Variants in AP3B1 observed in about 807,000 individuals in gnomAD.
The protein encoded by AP3B1 is AP-3 complex subunit beta-1.
AP3B1 carries 61 observed loss-of-function variants against 132.5 expected under a neutral mutation model. That is an observed-to-expected ratio of 0.46 (90% CI 0.37 to 0.57). The LOEUF is 0.57. Among genes scored for constraint, AP3B1 ranks in the 20% least tolerant of loss-of-function variants. AP3B1 has a pLI of 0.00. For missense variants in AP3B1, 1,120 were observed against 1,289.4 expected, an observed-to-expected ratio of 0.87 and a Z score of 2.01; for synonymous variants, 388 against 438.3, an observed-to-expected ratio of 0.89 and a Z score of 1.43.
chr5:78,279,847 TTAAA>T (rs1013205549), intron 1 of AP3B1, among the ~76,000 whole-genome samples: 5 of 137,504 alleles, frequency 3.6e-5, no homozygotes, highest in South Asian at 4.5e-4. Context: ...TATATAGGAC[TTAAA>T]TATATATAGG....
chr5:78,148,030 T>TA (rs559890931), intron 14 of AP3B1, among the ~76,000 whole-genome samples: 27,134 of 143,906 alleles, frequency 0.19, 2,699 homozygotes, highest in Admixed American at 0.28. Flanking sequence ...AAGACTCCAT[T>TA]AAAAAAAAAA....
intron 1 of AP3B1, among the ~76,000 whole-genome samples, chr5:78,282,469 A>G (rs746376681): frequency 5.3e-5 from 8 of 152,114 alleles, no homozygotes; most frequent in Non-Finnish European, 1.2e-4. Context: ...CAGAAGAATC[A>G]GGGCTTATTA....
intron 7 of AP3B1, among the ~76,000 whole-genome samples, chr5:78,214,868 TTAA>T (rs1348887970): frequency 6.6e-6 from 1 of 152,174 alleles, no homozygotes; most frequent in East Asian, 1.9e-4. Context: ...GACTTACATA[TTAA>T]TAATTCAAAA....
In AP3B1 at chr5:78,173,370, C is replaced by T. The variant is rs185925342; in HGVS notation, c.1167+2256G>A. Among the ~76,000 whole-genome samples, 163 of 152,184 alleles carry T rather than the reference C, an allele frequency of 1.1e-3. 1 individual carries two copies. The highest frequency in any genetic ancestry group is 3.8e-3 in the African/African-American group (159 of 41,500). ...TTGACAGTGGGGTGTTAAAGTCTCC[C>T]ATTATTTTTGTGTGGGAGTCTAAGT... On this transcript the variant is annotated intron_variant, in intron 11 of 26. Transcript: ENST00000255194.
intron 22 of AP3B1, among the ~76,000 whole-genome samples, chr5:78,074,486 CAAAT>C (rs1211129969): frequency 6.6e-6 from 1 of 152,098 alleles, no homozygotes; most frequent in Non-Finnish European, 1.5e-5. Context: ...TTCATCAGAA[CAAAT>C]AAAGGATTTT....
At chr5:78,120,427 T>C (rs1752118612) in intron 17 of AP3B1, among the ~76,000 whole-genome samples, 1 of 152,226 alleles carries the variant, frequency 6.6e-6, no homozygotes, top group African/African-American at 2.4e-5. Context: ...GACCCATCAG[T>C]GTGTTGTATT....
intron 22 of AP3B1, among the ~76,000 whole-genome samples, chr5:78,074,186 C>T (rs190010098): frequency 9.2e-5 from 14 of 152,062 alleles, no homozygotes; most frequent in Non-Finnish European, 1.9e-4. Context: ...AAAAGTAGCT[C>T]CTTTTAGTAA....
chr5:78,262,626 C>A (rs1300874356), intron 2 of AP3B1, among the ~76,000 whole-genome samples: 1 of 151,746 alleles, frequency 6.6e-6, no homozygotes, highest in Non-Finnish European at 1.5e-5. Flanking sequence ...AATGTCTTCA[C>A]TACTATGCTT....
Position 78,175,653 on chromosome 5 carries a change from A to C in AP3B1, c.1140T>G (p.Thr380=), listed in dbSNP as rs752592265. The change falls in exon 11 of 27, where the codon ACT becomes ACG. Residue 380 remains threonine (T), a synonymous_variant. Transcript: ENST00000255194. ...PYLKSFYVRS[T]DPTMIKTLKL... is the part of the protein sequence containing the mutation. ...TCAGTGTCTTGATCATAGTTGGATC[A>C]GTTGACCTAACATAGAAACTCTTCA... The C allele has an allele frequency of 1.3e-5, 21 of 1,613,424 alleles. No individual in the cohort carries two copies. The highest frequency in any genetic ancestry group is 1.7e-5 in the Non-Finnish European group (20 of 1,179,646).
chr5:78,015,306 A>C (rs1746810820), intron 26 of AP3B1, 104 bp downstream of exon 26: 5 of 1,174,744 alleles, frequency 4.3e-6, no homozygotes, highest in Non-Finnish European at 6.1e-6. Context: ...ATATATATAT[A>C]TGTTTAGGGG....
intron 2 of AP3B1, among the ~76,000 whole-genome samples, chr5:78,250,126 G>A (rs1351227075): frequency 6.6e-6 from 1 of 152,072 alleles, no homozygotes; most frequent in Non-Finnish European, 1.5e-5. Flanking sequence ...ATCAAAAGTG[G>A]ACCTAATTTT....
At chr5:78,070,758 G>C (rs187447888) in intron 22 of AP3B1, among the ~76,000 whole-genome samples, 41 of 151,616 alleles carry the variant, frequency 2.7e-4, no homozygotes, top group African/African-American at 9.9e-4. Flanking sequence ...CAAAGGACAT[G>C]AACAGACACT....
chr5:78,252,013 C>T (rs1199314652), intron 2 of AP3B1, among the ~76,000 whole-genome samples: 1 of 152,126 alleles, frequency 6.6e-6, no homozygotes, highest in Non-Finnish European at 1.5e-5. Context: ...GATAGGGCAC[C>T]GGTCAGAGTC....
Position 78,229,570 on chromosome 5 carries a change from T to TAAAAAAA in AP3B1, c.280-1332_280-1331insTTTTTTT, listed in dbSNP as rs747124764. On this transcript the variant is annotated intron_variant, in intron 3 of 26. Coordinates refer to ENST00000255194, the MANE Select transcript of AP3B1 (RefSeq NM_003664.5). Reference sequence around the variant, plus strand: ...CAACATGGTGAAATCCCATTTCTAGTAAAACAAAAAAAAAAAAAATTAGCC... The same window carrying TAAAAAAA: ...CAACATGGTGAAATCCCATTTCTAGTAAAAAAAAAAACAAAAAAAAAAAAAATTAGCC... Among the ~76,000 whole-genome samples, 371 of 92,878 alleles carry TAAAAAAA rather than the reference T, an allele frequency of 4.0e-3. 3 individuals carry two copies. Among genetic ancestry groups the TAAAAAAA allele is most frequent in the Middle Eastern group, 0.014 (2 of 144 alleles). The allele number at this position is 92,878 out of a possible 152,430, so 60.9% of individuals were successfully genotyped here. A position where few individuals can be genotyped will look rare whatever the true frequency, so the allele number is the denominator to read the frequency against.
chr5:78,194,783 A>G (rs938313680), intron 7 of AP3B1, among the ~76,000 whole-genome samples: 12 of 152,340 alleles, frequency 7.9e-5, no homozygotes, highest in African/African-American at 2.6e-4. Flanking sequence ...ACAGCATTGT[A>G]TCCATATTCC....
At chr5:78,133,069 C>T (rs1752754347) in intron 15 of AP3B1, among the ~76,000 whole-genome samples, 1 of 152,184 alleles carries the variant, frequency 6.6e-6, no homozygotes, top group Admixed American at 6.6e-5. Context: ...CAACCTCTAA[C>T]TTCCCATGTT....
intron 1 of AP3B1, among the ~76,000 whole-genome samples, chr5:78,287,672 C>T (rs1018422398): frequency 8.0e-5 from 12 of 150,796 alleles, no homozygotes; most frequent in Non-Finnish European, 1.3e-4. Flanking sequence ...TATTTTTAGT[C>T]ACCTTGGAAC....
At chr5:78,133,353 G>C (rs558932311) in intron 15 of AP3B1, among the ~76,000 whole-genome samples, 9 of 152,258 alleles carry the variant, frequency 5.9e-5, no homozygotes, top group Middle Eastern at 3.4e-3. Flanking sequence ...GATTTAAATG[G>C]CTCACATATT....
intron 3 of AP3B1, 152 bp from the exon 4 acceptor site, chr5:78,228,391 A>G: frequency 3.2e-6 from 2 of 617,776 alleles, no homozygotes; most frequent in Non-Finnish European, 2.8e-6. Context: ...TTGTGGGATA[A>G]TAAGTACAAC....
Sources: gnomAD v4.1 joint callset for allele counts (sites outside exome capture counted in the v4.1 genomes callset) on GRCh38, gnomAD v4.1.1 for gene constraint, MANE v1.5 for transcripts, NCBI Gene and HGNC (gene_info 2026-07-23, HGNC 2026-07-21) for gene names.